Variants in GLG1 observed in about 807,000 individuals in gnomAD.
The protein encoded by GLG1 is golgi glycoprotein 1.
GLG1 carries 38 observed loss-of-function variants against 160.5 expected under a neutral mutation model. That is an observed-to-expected ratio of 0.24 (90% CI 0.18 to 0.31). The LOEUF (loss-of-function observed/expected upper bound fraction) is 0.31, where lower values mean the gene tolerates loss of function less well. GLG1 is among the 10% of genes least tolerant of loss of function. GLG1 has a pLI of 1.00. For missense variants in GLG1, 1,373 were observed against 1,505.2 expected, an observed-to-expected ratio of 0.91 and a Z score of 1.45; for synonymous variants, 644 against 543.4, an observed-to-expected ratio of 1.19 and a Z score of -2.57.
chr16:74,524,360 T>C (rs905360732), intron 2 of GLG1, among the ~76,000 whole-genome samples: 1 of 152,226 alleles, frequency 6.6e-6, no homozygotes, highest in East Asian at 1.9e-4. Flanking sequence ...AGAAAGCTGT[T>C]AATATTTCAC....
intron 2 of GLG1, among the ~76,000 whole-genome samples, chr16:74,529,356 T>A (rs2017452287): frequency 6.6e-6 from 1 of 152,176 alleles, no homozygotes; most frequent in Non-Finnish European, 1.5e-5. Context: ...TCCAAAAATG[T>A]CTAATTGATT....
intron 1 of GLG1, among the ~76,000 whole-genome samples, chr16:74,599,545 C>A (rs1445035580): frequency 6.6e-6 from 1 of 152,046 alleles, no homozygotes; most frequent in Admixed American, 6.6e-5. Context: ...ATGGTGAAAA[C>A]CCGTCTCTAC....
At chr16:74,570,866 T>G (rs906000605) in intron 1 of GLG1, among the ~76,000 whole-genome samples, 2 of 152,122 alleles carry the variant, frequency 1.3e-5, no homozygotes, top group Admixed American at 6.6e-5. Context: ...CCAGCTTGGA[T>G]GACAGCATAA....
chr16:74,519,759 C>T (rs2017100459), intron 2 of GLG1, among the ~76,000 whole-genome samples: 1 of 152,026 alleles, frequency 6.6e-6, no homozygotes, highest in Non-Finnish European at 1.5e-5. Flanking sequence ...TTTTTGCTTA[C>T]GTTAATTACC....
intron 22 of GLG1, 103 bp downstream of exon 22, chr16:74,461,991 C>G: frequency 1.5e-6 from 1 of 654,230 alleles, no homozygotes; most frequent in Non-Finnish European, 2.7e-6. Context: ...CTTCAATTCA[C>G]CAGATCATTC....
chr16:74,507,339 C>T, intron 3 of GLG1, among the ~76,000 whole-genome samples: 1 of 152,044 alleles, frequency 6.6e-6, no homozygotes. Context: ...ACTAAATTTC[C>T]CTGGGCCAAT....
chr16:74,496,315 G>T, intron 5 of GLG1, 126 bp downstream of exon 5: 1 of 671,624 alleles, frequency 1.5e-6, no homozygotes, highest in Non-Finnish European at 2.5e-6. Context: ...TCAGAAGTTC[G>T]TGACCAGCCT....
chr16:74,490,389 C>G (rs2015940350), intron 8 of GLG1, among the ~76,000 whole-genome samples: 1 of 152,154 alleles, frequency 6.6e-6, no homozygotes, highest in African/African-American at 2.4e-5. Context: ...AACAAACCTG[C>G]ACATGTATCC....
rs1448479743 is a variant in GLG1, at chr16:74,607,069, C to A, written c.26G>T (p.Arg9Met). Residue 9 changes from arginine to methionine, a missense_variant, in exon 1 of 26, where the codon AGG becomes ATG. By Grantham distance (91) the Arg-to-Met change is moderately conservative. Around this residue, in one of 4 missense-constraint regions of GLG1, gnomAD observed 322 missense variants for 254.6 expected, o/e 1.26. Transcript: ENST00000422840. ...CAGCGCCGCCGACAAGCGGAACATC[C>A]TCCGTACACGTCCACACGCCGCCAT... is the stretch of plus-strand genomic sequence containing the variant. Reference protein sequence around the residue: MAACGRVRRMFRLSAALHL... With the variant: MAACGRVRMMFRLSAALHL... 1 of 1,578,574 alleles carries A rather than the reference C, an allele frequency of 6.3e-7. No homozygotes were observed. Among genetic ancestry groups the A allele is most frequent in the South Asian group, 1.1e-5 (1 of 87,498 alleles).
intron 1 of GLG1, among the ~76,000 whole-genome samples, chr16:74,571,682 G>A (rs550036182): frequency 6.6e-6 from 1 of 151,746 alleles, no homozygotes; most frequent in South Asian, 2.1e-4. Context: ...AAAATTAGCC[G>A]GGCACAGTGG....
chr16:74,592,386 C>T (rs1958204792), intron 1 of GLG1, among the ~76,000 whole-genome samples: 1 of 152,120 alleles, frequency 6.6e-6, no homozygotes, highest in African/African-American at 2.4e-5. Context: ...TCAGGTGATC[C>T]ACCCGCCTTG....
At chr16:74,523,861 T>C (rs947667821) in intron 2 of GLG1, among the ~76,000 whole-genome samples, 5 of 152,194 alleles carry the variant, frequency 3.3e-5, no homozygotes, top group African/African-American at 1.2e-4. Context: ...TCTATTTATA[T>C]AATTACCTCA....
At position 74,451,024 on chromosome 16, in the gene GLG1, C is replaced by G. The variant is rs993277590; in HGVS notation, c.*2143G>C. On this transcript the variant is annotated 3_prime_UTR_variant, in exon 26 of 26. Coordinates refer to ENST00000422840, the MANE Select transcript of GLG1 (RefSeq NM_001145667.2). ...GAGACTGCAGAGAGGAAGGATACCC[C>G]ACCCGGTCAAACAGTGAACATCCAT... 1 of 152,206 alleles carries G rather than the reference C, an allele frequency of 6.6e-6. No individual in the cohort carries two copies. The highest frequency in any genetic ancestry group is 1.5e-5 in the Non-Finnish European group (1 of 68,076). The allele number at this position is 152,206 out of a possible 1,614,324, so 9.4% of individuals were successfully genotyped here. A position where few individuals can be genotyped will look rare whatever the true frequency, so the allele number is the denominator to read the frequency against.
At position 74,474,582 on chromosome 16, in the gene GLG1, T is replaced by C; in HGVS notation, c.2016A>G (p.Arg672=). The change falls in exon 13 of 26, where the codon AGA becomes AGG. Residue 672 remains arginine (R), a synonymous_variant. Transcript: ENST00000422840. ...ACTCAGTGAGGTTGCCAACTATATC[T>C]CTACACTCCACCACCAAGTCATCCA... The part of the protein sequence containing the change: ...DHLDDLVVEC[R]DIVGNLTELE... 1 of 1,586,294 alleles carries C rather than the reference T, an allele frequency of 6.3e-7. No homozygotes were observed. The highest frequency in any genetic ancestry group is 8.7e-7 in the Non-Finnish European group (1 of 1,154,662).
rs201965317 is a variant in GLG1, at chr16:74,606,619, C to T, written c.438+38G>A. ...GGCCGGCAACACCCTCGGGCCCGCACCAGGCCTGGCCCTCCCGGCTTCGTC... is the reference window on the plus strand; with the variant it reads ...GGCCGGCAACACCCTCGGGCCCGCATCAGGCCTGGCCCTCCCGGCTTCGTC... On this transcript the variant is annotated intron_variant, in intron 1 of 25. Coordinates refer to ENST00000422840, the MANE Select transcript of GLG1 (RefSeq NM_001145667.2). 2.1e-4 allele frequency: 322 copies of T among 1,515,796 alleles called. 1 individual carries two copies. In the African/African-American group the frequency reaches 4.2e-3, roughly 20 times the overall value. The allele number at this position is 1,515,796 out of a possible 1,614,324, so 93.9% of individuals were successfully genotyped here.
chr16:74,599,252 C>A (rs935811049), intron 1 of GLG1, among the ~76,000 whole-genome samples: 1 of 152,182 alleles, frequency 6.6e-6, no homozygotes, highest in Non-Finnish European at 1.5e-5. Context: ...ATATACGACC[C>A]TTCATGACCT....
At chr16:74,568,751 C>G (rs925185526) in intron 1 of GLG1, among the ~76,000 whole-genome samples, 7 of 152,074 alleles carry the variant, frequency 4.6e-5, no homozygotes, top group African/African-American at 9.7e-5. Flanking sequence ...AAGTGCTTAA[C>G]CAATAGTATC....
At position 74,515,569 on chromosome 16, in the gene GLG1, G is replaced by T. The variant is rs926217796; in HGVS notation, c.472-6644C>A. Among the ~76,000 whole-genome samples the T allele has an allele frequency of 9.9e-5, 15 of 151,830 alleles. 1 individual carries two copies. Among genetic ancestry groups the T allele is most frequent in the African/African-American group, 3.6e-4 (15 of 41,148 alleles). On this transcript the variant is annotated intron_variant, in intron 2 of 25. Coordinates refer to ENST00000422840, the MANE Select transcript of GLG1 (RefSeq NM_001145667.2). ...CTACTGGGTAAATAACGAAATGAAG[G>T]CAGGGATAGCATTAGGAGATATACC... is the stretch of plus-strand genomic sequence containing the variant.
At chr16:74,465,026 A>T (rs987832238) in intron 19 of GLG1, among the ~76,000 whole-genome samples, 5 of 151,982 alleles carry the variant, frequency 3.3e-5, no homozygotes, top group African/African-American at 1.2e-4. Flanking sequence ...TTTAGTAGAG[A>T]CGGGGTTTCA....
Sources: gnomAD v4.1 joint callset for allele counts (sites outside exome capture counted in the v4.1 genomes callset) on GRCh38, gnomAD v4.1.1 for gene constraint, gnomAD v4.1.1 regional missense constraint, MANE v1.5 for transcripts, NCBI Gene and HGNC (gene_info 2026-07-23, HGNC 2026-07-21) for gene names.